MCTP2: variants seen among roughly 807,000 people sequenced by gnomAD.
MCTP2 encodes multiple C2 and transmembrane domain-containing protein 2.
A neutral mutation model predicts 111.6 loss-of-function variants in MCTP2; 132 were observed. That is an observed-to-expected ratio of 1.18 (90% CI 1.03 to 1.37). The LOEUF (loss-of-function observed/expected upper bound fraction) is 1.37, where lower values mean the gene tolerates loss of function less well. MCTP2 is among the 40% of genes most tolerant of loss of function. The pLI is 0.00. For missense variants in MCTP2, 1,183 were observed against 1,067.9 expected (o/e 1.11, Z -1.50); for synonymous variants, 395 against 387.7 (o/e 1.02, Z -0.22).
At chr15:94,271,707 TGTG>T (rs1321863673) in intron 1 of MCTP2, among the ~76,000 whole-genome samples, 1 of 152,234 alleles carries the variant, frequency 6.6e-6, no homozygotes, top group African/African-American at 2.4e-5. Flanking sequence ...CTTTGGTAGA[TGTG>T]ATGATTTCTT....
At chr15:94,308,946 G>A (rs542732741) in intron 2 of MCTP2, among the ~76,000 whole-genome samples, 3 of 152,142 alleles carry the variant, frequency 2.0e-5, no homozygotes, top group African/African-American at 7.2e-5. Flanking sequence ...ACACACACAC[G>A]ATTCAGATTT....
chr15:94,277,968 A>G (rs1204439562), intron 1 of MCTP2, among the ~76,000 whole-genome samples: 4 of 152,194 alleles, frequency 2.6e-5, no homozygotes, highest in Non-Finnish European at 5.9e-5. Flanking sequence ...GGAAATCTCT[A>G]TACTTTCTAC....
At chr15:94,391,334 G>A (rs1279615647) in intron 14 of MCTP2, among the ~76,000 whole-genome samples, 1 of 152,002 alleles carries the variant, frequency 6.6e-6, no homozygotes, top group East Asian at 1.9e-4. Flanking sequence ...AAATGGACTT[G>A]AACAGTCATA....
At chr15:94,387,084 G>T (rs2080536227) in intron 14 of MCTP2, among the ~76,000 whole-genome samples, 1 of 151,912 alleles carries the variant, frequency 6.6e-6, no homozygotes, top group South Asian at 2.1e-4. Context: ...ATAGGTTACT[G>T]GTTCTTCCTT....
chr15:94,435,445 A>T (rs1334288803), intron 17 of MCTP2, among the ~76,000 whole-genome samples: 1 of 151,788 alleles, frequency 6.6e-6, no homozygotes, highest in Non-Finnish European at 1.5e-5. Context: ...AAAAATTTTT[A>T]TTTTTTAATG....
chr15:94,478,788 C>T (rs904554228), intron 22 of MCTP2, among the ~76,000 whole-genome samples, 178 bp from the exon 23 acceptor site: 1 of 152,210 alleles, frequency 6.6e-6, no homozygotes, highest in East Asian at 1.9e-4. Context: ...AGAAATGATG[C>T]ATGACTTCTC....
chr15:94,273,005 A>G (rs778628653), intron 1 of MCTP2, among the ~76,000 whole-genome samples: 1 of 152,316 alleles, frequency 6.6e-6, no homozygotes, highest in Non-Finnish European at 1.5e-5. Context: ...GTGAAACACA[A>G]CAAAGTCAAG....
chr15:94,319,909 A>G (rs1057003301), intron 4 of MCTP2, among the ~76,000 whole-genome samples: 3 of 152,186 alleles, frequency 2.0e-5, no homozygotes, highest in Non-Finnish European at 2.9e-5. Flanking sequence ...AATTCTGTAG[A>G]TACTAAACCA....
intron 17 of MCTP2, among the ~76,000 whole-genome samples, chr15:94,418,545 AG>A (rs969039465): frequency 1.2e-4 from 18 of 152,114 alleles, no homozygotes; most frequent in Non-Finnish European, 4.4e-5. Context: ...TGATCATTCT[AG>A]GGGGAAAAAG....
At chr15:94,338,484 A>G (rs2077474968) in intron 4 of MCTP2, among the ~76,000 whole-genome samples, 1 of 133,146 alleles carries the variant, frequency 7.5e-6, no homozygotes, top group Non-Finnish European at 1.5e-5. Flanking sequence ...TTATGTTTGC[A>G]GGCATTTTTT....
intron 17 of MCTP2, among the ~76,000 whole-genome samples, chr15:94,422,385 G>A (rs1482962920): frequency 6.6e-6 from 1 of 152,016 alleles, no homozygotes; most frequent in Non-Finnish European, 1.5e-5. Flanking sequence ...GTTTCCCCAC[G>A]TGACTCTACA....
At chr15:94,445,712 T>C (rs2084078011) in intron 19 of MCTP2, among the ~76,000 whole-genome samples, 1 of 152,210 alleles carries the variant, frequency 6.6e-6, no homozygotes, top group African/African-American at 2.4e-5. Context: ...CCCTTCTGGC[T>C]TCTGTTGTGT....
intron 4 of MCTP2, among the ~76,000 whole-genome samples, chr15:94,336,153 A>G (rs1015278853): frequency 7.9e-5 from 12 of 152,322 alleles, no homozygotes; most frequent in African/African-American, 2.9e-4. Context: ...ATTGAAATGC[A>G]TGCTCGGCAC....
intron 4 of MCTP2, among the ~76,000 whole-genome samples, chr15:94,329,419 C>T (rs925153820): frequency 3.9e-5 from 6 of 152,126 alleles, no homozygotes; most frequent in Non-Finnish European, 8.8e-5. Context: ...CCGTCATTGA[C>T]GCATGGTTCC....
At chr15:94,245,490 G>T (rs557675764) in intron 1 of MCTP2, among the ~76,000 whole-genome samples, 1 of 136,994 alleles carries the variant, frequency 7.3e-6, no homozygotes. Context: ...ATACATACAT[G>T]TATGTATTTA....
chr15:94,367,318 C>G lies in MCTP2; in HGVS notation c.1302-287C>G, dbSNP rs539993480. Among the ~76,000 whole-genome samples the G allele has an allele frequency of 3.3e-5, 5 of 152,290 alleles. No individual in the cohort carries two copies. The South Asian group carries it at 1.0e-3, about 32-fold the overall frequency. On this transcript the variant is annotated intron_variant, in intron 10 of 22. Coordinates refer to ENST00000357742, the MANE Select transcript of MCTP2 (RefSeq NM_001385001.1). ...TTTTCTTTCTAATTTTTGATCTTATCTTTCTGCAGACCTTATTTGGCAAGG... is the reference window on the plus strand; with the variant it reads ...TTTTCTTTCTAATTTTTGATCTTATGTTTCTGCAGACCTTATTTGGCAAGG...
chr15:94,316,157 T>C (rs1162535803), intron 4 of MCTP2, among the ~76,000 whole-genome samples: 2 of 152,228 alleles, frequency 1.3e-5, no homozygotes, highest in African/African-American at 2.4e-5. Context: ...TATTTTTAAA[T>C]GTACAGGTCT....
chr15:94,285,586 T>C (rs528713151), intron 1 of MCTP2, among the ~76,000 whole-genome samples: 1 of 152,352 alleles, frequency 6.6e-6, no homozygotes, highest in African/African-American at 2.4e-5. Context: ...TTTATTGAAT[T>C]CATTCTGGTC....
At chr15:94,303,630 AAG>A (rs2075748913) in intron 2 of MCTP2, among the ~76,000 whole-genome samples, 1 of 152,198 alleles carries the variant, frequency 6.6e-6, no homozygotes, top group African/African-American at 2.4e-5. Flanking sequence ...CAGCATGGGA[AAG>A]AGTTGCCCCG....
Sources: allele counts gnomAD v4.1 joint callset (sites outside exome capture counted in the v4.1 genomes callset), GRCh38; gene constraint gnomAD v4.1.1; transcripts MANE v1.5; gene names NCBI Gene and HGNC (gene_info 2026-07-23, HGNC 2026-07-21).